Variants in MRPL42 observed in about 807,000 individuals in gnomAD.
MRPL42 encodes mitochondrial ribosomal protein L42, also known as large ribosomal subunit protein mL42.
A neutral mutation model predicts 17.9 loss-of-function variants in MRPL42; 17 were observed. That is an observed-to-expected ratio of 0.95 (90% CI 0.65 to 1.42). The LOEUF (loss-of-function observed/expected upper bound fraction) is 1.42. MRPL42 is among the 40% of genes most tolerant of loss of function. The probability of loss-of-function intolerance (pLI) is 0.00; values close to 1 mark genes in which losing one functional copy is unlikely to be tolerated. For missense variants in MRPL42, 177 were observed against 175.2 expected, an observed-to-expected ratio of 1.01 and a Z score of -0.06; for synonymous variants, 59 against 54.4, an observed-to-expected ratio of 1.08 and a Z score of -0.37.
At chr12:93,469,024 G>C (rs1278101812) in intron 1 of MRPL42, among the ~76,000 whole-genome samples, 168 bp from the exon 2 acceptor site, 1 of 152,186 alleles carries the variant, frequency 6.6e-6, no homozygotes, top group Admixed American at 6.5e-5. Flanking sequence ...CTTATATTCT[G>C]TCCATGTCGC....
rs1437214077 is a variant in MRPL42, at chr12:93,469,232, GT to G, written c.-51del. ...TGCTTAGAAGCAGATTCTAAAAGCA[GT>G]TTCTCTTCAGAACATCTTTTTTCAT... On this transcript the variant is annotated 5_prime_UTR_variant, in exon 2 of 6. Coordinates refer to ENST00000549982, the MANE Select transcript of MRPL42 (RefSeq NM_014050.4). The G allele has an allele frequency of 3.5e-6, 5 of 1,433,686 alleles. No individual in the cohort carries two copies. Among genetic ancestry groups the G allele is most frequent in the Non-Finnish European group, 4.8e-6 (5 of 1,038,516 alleles). 88.8% of individuals were successfully genotyped at this position (1,433,686 alleles called of 1,614,324 possible).
At chr12:93,477,557 TATA>T (rs1199881387) in intron 3 of MRPL42, among the ~76,000 whole-genome samples, 1 of 152,214 alleles carries the variant, frequency 6.6e-6, no homozygotes, top group African/African-American at 2.4e-5. Context: ...TATTACAAAT[TATA>T]ATAAAAATAT....
chr12:93,486,463 G>T (rs973430852), intron 4 of MRPL42, among the ~76,000 whole-genome samples: 3 of 152,116 alleles, frequency 2.0e-5, no homozygotes, highest in African/African-American at 7.2e-5. Context: ...TCCTTCCTCA[G>T]CCTCCTGAGT....
In MRPL42 at chr12:93,469,362, GA is replaced by G; in HGVS notation, c.70+10del. The G allele has an allele frequency of 6.3e-7, 1 of 1,584,776 alleles. No homozygotes were observed. The stretch of plus-strand genomic sequence containing the variant: ...CATTTATTTCCAGTCCAAAGTAAGT[GA>G]AATTTTTTTTAATGTTTAAAAACTT... On this transcript the variant is annotated splice_region_variant and intron_variant, in intron 2 of 5. Coordinates refer to ENST00000549982, the MANE Select transcript of MRPL42 (RefSeq NM_014050.4).
In MRPL42 at chr12:93,512,656, A is replaced by G. The variant is rs1443156597; in HGVS notation, c.*11435A>G. ...GCTTGAAAGACCAGAGTTGCTACAG[A>G]TTGTTATTACATGTTCCATAATTTA... On this transcript the variant is annotated 3_prime_UTR_variant, in exon 6 of 6. Coordinates refer to ENST00000549982, the MANE Select transcript of MRPL42 (RefSeq NM_014050.4). 1 of 152,348 alleles carries G rather than the reference A, an allele frequency of 6.6e-6. No homozygotes were observed. Among genetic ancestry groups the G allele is most frequent in the African/African-American group, 2.4e-5 (1 of 41,456 alleles). 9.4% of individuals were successfully genotyped at this position (152,348 alleles called of 1,614,324 possible).
In MRPL42 at chr12:93,503,419, C is replaced by A. The variant is rs1233115249; in HGVS notation, c.*2198C>A. The A allele has an allele frequency of 6.6e-6, 1 of 151,282 alleles. No individual in the cohort carries two copies. The allele number at this position is 151,282 out of a possible 1,614,324, so 9.4% of individuals were successfully genotyped here. The stretch of plus-strand genomic sequence containing the variant: ...TTTTAAAGAAAAGGTCTTGCTGTGT[C>A]GCCCAGGATGGAGTGCAGTGGCACA... On this transcript the variant is annotated 3_prime_UTR_variant, in exon 6 of 6. Transcript: ENST00000549982.
chr12:93,474,377 G>A (rs1364113889), intron 2 of MRPL42, among the ~76,000 whole-genome samples: 1 of 149,284 alleles, frequency 6.7e-6, no homozygotes, highest in East Asian at 2.0e-4. Context: ...TGGATCAAGC[G>A]ATCCTGCTGC....
rs1953751086 is a variant in MRPL42, at chr12:93,513,885, C to G, written c.*12664C>G. ...GTTTTTTTTTAGACCGAGTCTTGCT[C>G]TGTCACCCCAGCTGGAGTGCAGTGG... On this transcript the variant is annotated 3_prime_UTR_variant, in exon 6 of 6. Transcript: ENST00000549982. The G allele has an allele frequency of 6.6e-6, 1 of 152,050 alleles. No homozygotes were observed. Among genetic ancestry groups the G allele is most frequent in the Non-Finnish European group, 1.5e-5 (1 of 68,028 alleles). The allele number at this position is 152,050 out of a possible 1,614,324, so 9.4% of individuals were successfully genotyped here. A position where few individuals can be genotyped will look rare whatever the true frequency, so the allele number is the denominator to read the frequency against.
intron 5 of MRPL42, 152 bp downstream of exon 5, chr12:93,487,812 T>C (rs1953333984): frequency 1.5e-6 from 1 of 657,956 alleles, no homozygotes; most frequent in Non-Finnish European, 2.4e-6. Flanking sequence ...TTTTTTCTTT[T>C]CTGAGACAGG....
At chr12:93,467,765 G>A (rs766670789) in intron 1 of MRPL42, among the ~76,000 whole-genome samples, 6 of 152,210 alleles carry the variant, frequency 3.9e-5, no homozygotes, top group African/African-American at 1.4e-4. Context: ...GGACGCCCGT[G>A]GGGAGGTGAT....
intron 2 of MRPL42, among the ~76,000 whole-genome samples, chr12:93,474,088 A>G (rs1021154604): frequency 2.6e-5 from 4 of 152,138 alleles, no homozygotes; most frequent in African/African-American, 4.8e-5. Context: ...GAGGGCACAA[A>G]CAAATGTCTG....
At position 93,508,295 on chromosome 12, in the gene MRPL42, G is replaced by GTGA; in HGVS notation, c.*7076_*7077insATG. ...AGCTGGGGGTGGGGAGGGTGGGGTG[G>GTGA]TGCTGCATGCCTGTAGTCCCAGCTA... On this transcript the variant is annotated 3_prime_UTR_variant, in exon 6 of 6. Transcript: ENST00000549982. 6.6e-6 allele frequency: 1 copy of GTGA among 152,078 alleles called. No homozygotes were observed. The highest frequency in any genetic ancestry group is 2.4e-5 in the African/African-American group (1 of 41,436). 9.4% of individuals were successfully genotyped at this position (152,078 alleles called of 1,614,324 possible). A position where few individuals can be genotyped will look rare whatever the true frequency, so the allele number is the denominator to read the frequency against.
chr12:93,476,304 A>G (rs1451404075), intron 2 of MRPL42, among the ~76,000 whole-genome samples: 6 of 152,076 alleles, frequency 3.9e-5, no homozygotes, highest in African/African-American at 1.2e-4. Flanking sequence ...CTCCTGCCTC[A>G]GTCTCCCGAG....
In MRPL42 at chr12:93,484,979, C is replaced by CATATAT. The variant is rs4020795; in HGVS notation, c.220-2474_220-2469dup. The stretch of plus-strand genomic sequence containing the variant: ...TTTAAAAAACACACACACACACACA[C>CATATAT]ATATATATATATATATATATATATA... On this transcript the variant is annotated intron_variant, in intron 4 of 5. Transcript: ENST00000549982. Among the ~76,000 whole-genome samples, 107 of 22,454 alleles carry CATATAT rather than the reference C, an allele frequency of 4.8e-3. 5 individuals carry two copies. Among genetic ancestry groups the CATATAT allele is most frequent in the Middle Eastern group, 0.053 (2 of 38 alleles). 14.7% of individuals were successfully genotyped at this position (22,454 alleles called of 152,430 possible).
At chr12:93,485,156 A>T in intron 4 of MRPL42, among the ~76,000 whole-genome samples, 1 of 139,198 alleles carries the variant, frequency 7.2e-6, no homozygotes, top group Admixed American at 7.4e-5. Flanking sequence ...CGTGGCCCAC[A>T]TTGCCTTTTT....
In MRPL42 at chr12:93,514,497, C is replaced by T. The variant is rs1023155966; in HGVS notation, c.*13276C>T. The T allele has an allele frequency of 1.3e-5, 2 of 151,774 alleles. No individual in the cohort carries two copies. The highest frequency in any genetic ancestry group is 2.9e-5 in the Non-Finnish European group (2 of 68,020). The allele number at this position is 151,774 out of a possible 1,614,324, so 9.4% of individuals were successfully genotyped here. A position where few individuals can be genotyped will look rare whatever the true frequency, so the allele number is the denominator to read the frequency against. ...TGTTGACCAGGCTGGTCTTGAACTC[C>T]CGACCTCAGGTGATCTGGCTGCCTT... On this transcript the variant is annotated 3_prime_UTR_variant, in exon 6 of 6. Coordinates refer to ENST00000549982, the MANE Select transcript of MRPL42 (RefSeq NM_014050.4).
chr12:93,469,436 A>G, intron 2 of MRPL42, 81 bp downstream of exon 2: 1 of 993,984 alleles, frequency 1.0e-6, no homozygotes. Context: ...GTTATTGTAT[A>G]TGCCTGTAAT....
intron 2 of MRPL42, 68 bp from the exon 3 acceptor site, chr12:93,476,886 G>C (rs572824042): frequency 7.0e-7 from 1 of 1,422,210 alleles, no homozygotes; most frequent in African/African-American, 1.4e-5. Flanking sequence ...AGTAAAACTA[G>C]CTTTAAATTT....
chr12:93,489,456 G>T (rs954454707), intron 5 of MRPL42, among the ~76,000 whole-genome samples: 1 of 151,688 alleles, frequency 6.6e-6, no homozygotes, highest in African/African-American at 2.4e-5. Context: ...TTGATTTTTT[G>T]GGGGGGCAGG....
Sources: gnomAD v4.1 joint callset for allele counts (sites outside exome capture counted in the v4.1 genomes callset) on GRCh38, gnomAD v4.1.1 for gene constraint, MANE v1.5 for transcripts, NCBI Gene and HGNC (gene_info 2026-07-23, HGNC 2026-07-21) for gene names.